The following KIAA1217 variants were observed in gnomAD, a reference collection of about 807,000 sequenced individuals.
The protein encoded by KIAA1217 is KIAA1217, also known as sickle tail protein homolog.
In KIAA1217, 88 loss-of-function variants were observed where a neutral mutation model predicts 163.9. The observed-to-expected ratio is 0.54, with a 90% CI of 0.45 to 0.64. The LOEUF is 0.64. KIAA1217 is among the 30% of genes least tolerant of loss of function. The pLI, the probability that KIAA1217 is intolerant of heterozygous loss-of-function variation, is 0.00. For missense variants in KIAA1217, 2,372 were observed against 2,475.0 expected (o/e 0.96, Z 0.88); for synonymous variants, 903 against 923.1 (o/e 0.98, Z 0.39).
At chr10:24,538,169 T>C (rs1334860938) in intron 17 of KIAA1217, among the ~76,000 whole-genome samples, 1 of 152,168 alleles carries the variant, frequency 6.6e-6, no homozygotes, top group Non-Finnish European at 1.5e-5. Context: ...ACTGAAAGGC[T>C]ATTCTAACAC....
chr10:23,835,046 G>T (rs1838383237), intron 1 of KIAA1217, among the ~76,000 whole-genome samples: 1 of 152,092 alleles, frequency 6.6e-6, no homozygotes, highest in African/African-American at 2.4e-5. Context: ...TGGGATATGG[G>T]GTAATTGGGC....
At chr10:23,840,967 C>G (rs995780279) in intron 1 of KIAA1217, among the ~76,000 whole-genome samples, 8 of 152,320 alleles carry the variant, frequency 5.3e-5, no homozygotes, top group African/African-American at 1.9e-4. Context: ...CCAACAACTT[C>G]TAGCTACCGG....
At chr10:23,849,624 G>A (rs1023865797) in intron 1 of KIAA1217, among the ~76,000 whole-genome samples, 5 of 152,052 alleles carry the variant, frequency 3.3e-5, no homozygotes, top group African/African-American at 7.2e-5. Context: ...GTATATATAC[G>A]TAACAAACCT....
chr10:24,159,623 A>G (rs1398244529), intron 2 of KIAA1217, among the ~76,000 whole-genome samples: 2 of 144,480 alleles, frequency 1.4e-5, no homozygotes, highest in Non-Finnish European at 1.5e-5. Context: ...AAAAAAAAAA[A>G]TGCAAAAAAA....
At chr10:24,094,615 G>C (rs1564694279) in intron 2 of KIAA1217, among the ~76,000 whole-genome samples, 1 of 152,304 alleles carries the variant, frequency 6.6e-6, no homozygotes, top group East Asian at 1.9e-4. Flanking sequence ...GGAGTACCCA[G>C]CCGTGTGAGG....
At chr10:23,768,988 T>C (rs1008701727) in intron 1 of KIAA1217, among the ~76,000 whole-genome samples, 4 of 152,210 alleles carry the variant, frequency 2.6e-5, no homozygotes, top group Non-Finnish European at 5.9e-5. Context: ...TGTAACTGCC[T>C]AACAAGTTCA....
intron 8 of KIAA1217, among the ~76,000 whole-genome samples, chr10:24,498,419 G>A (rs561324618): frequency 1.3e-5 from 2 of 152,300 alleles, no homozygotes; most frequent in South Asian, 4.1e-4. Flanking sequence ...TCGCTGAAAT[G>A]AACATAAAGA....
intron 2 of KIAA1217, among the ~76,000 whole-genome samples, chr10:24,113,366 T>A (rs1044704661): frequency 2.0e-5 from 3 of 152,194 alleles, no homozygotes; most frequent in African/African-American, 7.2e-5. Context: ...ACAAGGAGCA[T>A]GTCCAGAACA....
At chr10:24,161,137 T>C (rs762573904) in intron 2 of KIAA1217, among the ~76,000 whole-genome samples, 36 of 152,188 alleles carry the variant, frequency 2.4e-4, no homozygotes, top group Non-Finnish European at 4.9e-4. Context: ...AGAAGTCTTG[T>C]GGTTTAAATT....
intron 3 of KIAA1217, among the ~76,000 whole-genome samples, chr10:24,383,470 C>G (rs530034486): frequency 2.0e-5 from 3 of 152,218 alleles, no homozygotes; most frequent in Non-Finnish European, 4.4e-5. Context: ...CCGGCTTGCC[C>G]AAGGAATGGC....
intron 1 of KIAA1217, among the ~76,000 whole-genome samples, chr10:23,905,612 C>G (rs1300954368): frequency 6.6e-6 from 1 of 152,134 alleles, no homozygotes; most frequent in East Asian, 1.9e-4. Flanking sequence ...GATGCTCTGC[C>G]ACAGGCTTCT....
At chr10:24,158,894 T>C in intron 2 of KIAA1217, 1 of 207,018 alleles carries the variant, frequency 4.8e-6, no homozygotes, top group Non-Finnish European at 1.0e-5. Context: ...TGGACAGTTA[T>C]ACTTCTTTTA....
chr10:24,277,078 T>G (rs937200932), intron 2 of KIAA1217, among the ~76,000 whole-genome samples: 1 of 152,234 alleles, frequency 6.6e-6, no homozygotes, highest in African/African-American at 2.4e-5. Context: ...TCAAAAGCTT[T>G]TAAACCAATC....
intron 1 of KIAA1217, among the ~76,000 whole-genome samples, chr10:23,771,132 T>G (rs1564406060): frequency 6.6e-6 from 1 of 152,106 alleles, no homozygotes; most frequent in Non-Finnish European, 1.5e-5. Flanking sequence ...CACTGTTAGA[T>G]CGACTTCAGG....
chr10:24,280,862 G>A (rs1236571860), intron 2 of KIAA1217, among the ~76,000 whole-genome samples: 1 of 151,688 alleles, frequency 6.6e-6, no homozygotes, highest in East Asian at 1.9e-4. Context: ...ACTTAAGATG[G>A]ACATTTCTCT....
Position 24,014,116 on chromosome 10 carries a change from A to G in KIAA1217, c.-171+6742A>G, listed in dbSNP as rs992229364. Reference sequence around the variant, plus strand: ...ATTTTAATGTAAATTGAGCCTGTTTATTTGCTTTTCCTGTTTCATATAAGG... The same window carrying G: ...ATTTTAATGTAAATTGAGCCTGTTTGTTTGCTTTTCCTGTTTCATATAAGG... On this transcript the variant is annotated intron_variant, in intron 2 of 18. Coordinates refer to the KIAA1217 transcript ENST00000376462. Among the ~76,000 whole-genome samples the G allele has an allele frequency of 1.2e-4, 18 of 152,048 alleles. 1 individual carries two copies. The highest frequency in any genetic ancestry group is 4.1e-4 in the African/African-American group (17 of 41,410).
At chr10:24,088,765 G>C (rs2061815379) in intron 2 of KIAA1217, among the ~76,000 whole-genome samples, 1 of 124,392 alleles carries the variant, frequency 8.0e-6, no homozygotes, top group Admixed American at 7.8e-5. Flanking sequence ...ACGTATGCAT[G>C]TGTCTTTATA....
intron 1 of KIAA1217, among the ~76,000 whole-genome samples, chr10:23,953,688 T>C (rs1486984180): frequency 6.6e-6 from 1 of 152,270 alleles, no homozygotes; most frequent in East Asian, 1.9e-4. Context: ...TTTATATGGC[T>C]ATTAGGCACA....
chr10:24,125,637 A>G (rs992082973), intron 2 of KIAA1217, among the ~76,000 whole-genome samples: 5 of 151,822 alleles, frequency 3.3e-5, no homozygotes, highest in African/African-American at 1.2e-4. Flanking sequence ...TTTTCTTTCT[A>G]CTACTCACCA....
Sources: gnomAD v4.1 joint callset for allele counts (sites outside exome capture counted in the v4.1 genomes callset) on GRCh38, gnomAD v4.1.1 for gene constraint, MANE v1.5 for transcripts, NCBI Gene and HGNC (gene_info 2026-07-23, HGNC 2026-07-21) for gene names.